The following GRXCR2 variants were observed in gnomAD, a reference collection of about 807,000 sequenced individuals.
The protein encoded by GRXCR2 is glutaredoxin and cysteine rich domain containing 2, also known as glutaredoxin domain-containing cysteine-rich protein 2.
Under a neutral mutation model 24.8 loss-of-function variants are expected in GRXCR2, and 23 were observed. That is an observed-to-expected ratio of 0.93 (90% confidence interval 0.67 to 1.32). The LOEUF is 1.32. Among genes scored for constraint, GRXCR2 ranks in the 40% most tolerant of loss-of-function variants. GRXCR2 has a pLI of 0.00. For synonymous variants in GRXCR2, 130 were observed against 116.1 expected (o/e 1.12, Z -0.77); for missense variants, 315 against 303.4 (o/e 1.04, Z -0.28).
chr5:145,902,992 T>C (rs973012840), intron 2 of GRXCR2, among the ~76,000 whole-genome samples: 3 of 152,200 alleles, frequency 2.0e-5, no homozygotes, highest in Admixed American at 1.3e-4. Flanking sequence ...AGATGCATTA[T>C]GCAGCTTTTA....
chr5:145,897,834 G>A (rs1756971371), intron 2 of GRXCR2, among the ~76,000 whole-genome samples: 1 of 151,988 alleles, frequency 6.6e-6, no homozygotes, highest in Non-Finnish European at 1.5e-5. Flanking sequence ...TAAGAAGAAA[G>A]TTTATAGCAC....
chr5:145,910,053 A>G (rs1318748382), intron 2 of GRXCR2, among the ~76,000 whole-genome samples: 1 of 152,174 alleles, frequency 6.6e-6, no homozygotes, highest in African/African-American at 2.4e-5. Flanking sequence ...GGCTGAACCA[A>G]TATTGGGAGT....
intron 2 of GRXCR2, among the ~76,000 whole-genome samples, chr5:145,925,007 A>T (rs980006252): frequency 4.6e-5 from 7 of 152,188 alleles, no homozygotes; most frequent in Admixed American, 3.9e-4. Flanking sequence ...AAGAGGCCTG[A>T]TAAGGAGAAA....
At chr5:145,904,508 C>A (rs1293229011) in intron 2 of GRXCR2, among the ~76,000 whole-genome samples, 2 of 152,200 alleles carry the variant, frequency 1.3e-5, no homozygotes, top group Non-Finnish European at 2.9e-5. Flanking sequence ...TGCCTTCCTG[C>A]AGCCTGGACT....
chr5:145,925,655 A>C (rs1287291798), intron 2 of GRXCR2, among the ~76,000 whole-genome samples: 2 of 152,206 alleles, frequency 1.3e-5, no homozygotes, highest in Admixed American at 6.6e-5. Context: ...TGGTTCCTGC[A>C]CCATGGGATG....
chr5:145,914,146 T>G (rs1273234536), intron 2 of GRXCR2, among the ~76,000 whole-genome samples: 2 of 152,266 alleles, frequency 1.3e-5, no homozygotes, highest in African/African-American at 4.8e-5. Context: ...ACTCCTCTTC[T>G]TATTGAAAAA....
In GRXCR2 at chr5:145,905,494, T is replaced by TAGAGGGG. The variant is rs1310233495; in HGVS notation, c.-70+30206_-70+30207insCCCCTCT. The stretch of plus-strand genomic sequence containing the variant: ...GTACACAATATATTTTAACTGCCTG[T>TAGAGGGG]ATGGTGTAGAGGGGATGCCTAAGCC... On this transcript the variant is annotated intron_variant, in intron 2 of 3. Coordinates refer to the GRXCR2 transcript ENST00000639411. Among the ~76,000 whole-genome samples the TAGAGGGG allele has an allele frequency of 3.9e-5, 6 of 152,340 alleles. No individual in the cohort carries two copies. The East Asian group carries it at 1.2e-3, about 29-fold the overall frequency.
At chr5:145,929,944 G>T (rs1186713203) in intron 2 of GRXCR2, among the ~76,000 whole-genome samples, 2 of 151,966 alleles carry the variant, frequency 1.3e-5, no homozygotes, top group African/African-American at 2.4e-5. Context: ...TATAGCCTGG[G>T]GTACCCTAAC....
intron 2 of GRXCR2, among the ~76,000 whole-genome samples, chr5:145,897,245 T>A (rs1231235986): frequency 9.2e-6 from 1 of 109,176 alleles, no homozygotes; most frequent in Non-Finnish European, 1.8e-5. Flanking sequence ...ACCTGTTGTT[T>A]GTTACATACA....
chr5:145,894,319 C>T (rs150122174), intron 2 of GRXCR2, among the ~76,000 whole-genome samples: 2,368 of 151,778 alleles, frequency 0.016, 54 homozygotes, highest in African/African-American at 0.054. Context: ...CACAAAAACC[C>T]TTCAAAAAAT....
intron 2 of GRXCR2, among the ~76,000 whole-genome samples, chr5:145,880,824 A>C (rs1756689492): frequency 2.6e-5 from 4 of 152,228 alleles, no homozygotes; most frequent in Admixed American, 2.6e-4. Flanking sequence ...CAAAAATCTT[A>C]TCCACCATGA....
At chr5:145,925,189 CA>C (rs1757373430) in intron 2 of GRXCR2, among the ~76,000 whole-genome samples, 2 of 152,182 alleles carry the variant, frequency 1.3e-5, no homozygotes, top group Admixed American at 1.3e-4. Flanking sequence ...CTGTAGGTCA[CA>C]CTCTTATTTA....
chr5:145,877,362 T>A (rs1756634102), upstream of GRXCR2, among the ~76,000 whole-genome samples: 1 of 151,714 alleles, frequency 6.6e-6, no homozygotes, highest in Non-Finnish European at 1.5e-5. Flanking sequence ...TTCTTTTTTT[T>A]TTTTTTCAGA....
chr5:145,869,613 A>C (rs1756495157), intron 1 of GRXCR2, among the ~76,000 whole-genome samples: 1 of 144,770 alleles, frequency 6.9e-6, no homozygotes, highest in Non-Finnish European at 1.5e-5. Flanking sequence ...GCTGGAGTGC[A>C]GTGGTGCAAT....
chr5:145,913,389 G>A (rs917217708), intron 2 of GRXCR2, among the ~76,000 whole-genome samples: 1 of 150,146 alleles, frequency 6.7e-6, no homozygotes, highest in Non-Finnish European at 1.5e-5. Flanking sequence ...GGAAAGAGTG[G>A]GCTCAGGAAC....
At chr5:145,916,168 T>C (rs1757235600) in intron 2 of GRXCR2, among the ~76,000 whole-genome samples, 1 of 152,034 alleles carries the variant, frequency 6.6e-6, no homozygotes. Flanking sequence ...AAATCATGTG[T>C]GACGAGAAAG....
intron 2 of GRXCR2, among the ~76,000 whole-genome samples, chr5:145,918,861 T>C (rs1426022858): frequency 6.6e-6 from 1 of 152,230 alleles, no homozygotes; most frequent in Non-Finnish European, 1.5e-5. Context: ...ACTACCTTCG[T>C]GCCTGGGACC....
At chr5:145,891,475 CAGG>C (rs1250969083) in intron 2 of GRXCR2, among the ~76,000 whole-genome samples, 2 of 152,212 alleles carry the variant, frequency 1.3e-5, no homozygotes, top group Admixed American at 6.5e-5. Flanking sequence ...AACGGCACAC[CAGG>C]AGATTATATC....
intron 2 of GRXCR2, among the ~76,000 whole-genome samples, chr5:145,884,066 G>A (rs988445339): frequency 6.6e-6 from 1 of 152,206 alleles, no homozygotes; most frequent in Non-Finnish European, 1.5e-5. Context: ...TCTTGATGGT[G>A]AGAGGGGTGC....
Sources: gnomAD v4.1 joint callset for allele counts (sites outside exome capture counted in the v4.1 genomes callset) on GRCh38, gnomAD v4.1.1 for gene constraint, MANE v1.5 for transcripts, NCBI Gene and HGNC (gene_info 2026-07-23, HGNC 2026-07-21) for gene names.